Variants in ADD1 observed in about 807,000 individuals in gnomAD.
ADD1 encodes alpha-adducin.
ADD1 carries 24 observed loss-of-function variants against 80.5 expected under a neutral mutation model. The ratio of observed to expected loss-of-function variants is 0.30; its 90% CI spans 0.22 to 0.42. ADD1 has a LOEUF of 0.42. Ranked by LOEUF, ADD1 falls within the 10% of genes least tolerant of loss-of-function variation. The probability of loss-of-function intolerance (pLI) is 1.00; values close to 1 mark genes in which losing one functional copy is unlikely to be tolerated. For missense variants in ADD1, 948 were observed against 1,019.0 expected (o/e 0.93, Z 0.95); for synonymous variants, 373 against 393.8 (o/e 0.95, Z 0.63).
chr4:2,909,968 CAAAAA>C lies in ADD1; in HGVS notation c.1791+550_1791+554del, dbSNP rs35681850. Among the ~76,000 whole-genome samples, 162 of 119,792 alleles carry C rather than the reference CAAAAA, an allele frequency of 1.4e-3. 1 individual carries two copies. The highest frequency in any genetic ancestry group is 4.7e-3 in the Admixed American group (52 of 11,132). The allele number at this position is 119,792 out of a possible 152,430, so 78.6% of individuals were successfully genotyped here. A position where few individuals can be genotyped will look rare whatever the true frequency, so the allele number is the denominator to read the frequency against. Reference sequence around the variant, plus strand: ...TGATAAAATGTATTTATTTGTACCTCAAAAAAAAAAAAAAAAACCCTAAATAACAT... The same window carrying C: ...TGATAAAATGTATTTATTTGTACCTCAAAAAAAAAAAACCCTAAATAACAT... On this transcript the variant is annotated intron_variant, in intron 13 of 15. Transcript: ENST00000683351.
intron 8 of ADD1, chr4:2,898,917 G>A: frequency 2.6e-6 from 1 of 382,012 alleles, no homozygotes; most frequent in South Asian, 2.8e-5. Flanking sequence ...GCAGCTTACA[G>A]CTGTGAGTTC....
intron 14 of ADD1, among the ~76,000 whole-genome samples, chr4:2,923,208 C>A (rs1740365648): frequency 6.6e-6 from 1 of 152,208 alleles, no homozygotes; most frequent in Admixed American, 6.5e-5. Context: ...CTGCAGCTAG[C>A]TCAGTGTCTG....
chr4:2,850,884 C>A (rs969909276), intron 1 of ADD1, among the ~76,000 whole-genome samples: 12 of 152,164 alleles, frequency 7.9e-5, no homozygotes, highest in African/African-American at 2.4e-4. Context: ...GTAGGCAAAT[C>A]TATACAGGCA....
chr4:2,878,934 C>G (rs1032446177), intron 2 of ADD1, among the ~76,000 whole-genome samples: 5 of 152,016 alleles, frequency 3.3e-5, no homozygotes, highest in African/African-American at 4.8e-5. Context: ...AAAGTGTGAG[C>G]TGGATGCTAG....
At chr4:2,864,270 G>A (rs761299064) in intron 1 of ADD1, among the ~76,000 whole-genome samples, 10 of 152,164 alleles carry the variant, frequency 6.6e-5, no homozygotes, top group Non-Finnish European at 1.5e-4. Context: ...AAAATTAGCT[G>A]GGCGTGGTGG....
chr4:2,869,276 C>T (rs866258528), intron 1 of ADD1, among the ~76,000 whole-genome samples: 56 of 152,124 alleles, frequency 3.7e-4, no homozygotes, highest in Admixed American at 1.7e-3. Flanking sequence ...TGGTTCCTCC[C>T]GAGGCTGTGA....
At chr4:2,888,420 T>TTAC (rs1260141208) in intron 4 of ADD1, among the ~76,000 whole-genome samples, 2 of 146,462 alleles carry the variant, frequency 1.4e-5, no homozygotes, top group South Asian at 2.1e-4. Flanking sequence ...ATTATTATTA[T>TTAC]TATTATTATT....
chr4:2,882,950 C>CT (rs1436110245), intron 3 of ADD1, among the ~76,000 whole-genome samples: 1 of 152,114 alleles, frequency 6.6e-6, no homozygotes, highest in East Asian at 1.9e-4. Context: ...AAACTACCAC[C>CT]TCCCAGGTTC....
intron 14 of ADD1, among the ~76,000 whole-genome samples, chr4:2,920,890 G>A (rs1739908992): frequency 6.6e-6 from 1 of 152,068 alleles, no homozygotes; most frequent in Non-Finnish European, 1.5e-5. Flanking sequence ...GATGCTGGCT[G>A]GTTATTTTGC....
rs181876337 is a variant in ADD1, at chr4:2,926,249, C to T, written c.2047+137C>T. On this transcript the variant is annotated intron_variant, in intron 15 of 15. Transcript: ENST00000683351. The surrounding 1 kb of genome is among the most constrained non-coding windows in gnomAD (Gnocchi z 5.0). ...ATCAGCGCCAGGACGTGACACCTTT[C>T]TCCTCCTATATTGCTTCTGTCCTGG... The T allele has an allele frequency of 1.3e-6, 1 of 794,460 alleles. No homozygotes were observed. The highest frequency in any genetic ancestry group is 2.2e-6 in the Non-Finnish European group (1 of 456,954). 49.2% of individuals were successfully genotyped at this position (794,460 alleles called of 1,614,324 possible). A position where few individuals can be genotyped will look rare whatever the true frequency, so the allele number is the denominator to read the frequency against.
At chr4:2,853,890 G>T (rs1281969840) in intron 1 of ADD1, among the ~76,000 whole-genome samples, 5 of 152,132 alleles carry the variant, frequency 3.3e-5, no homozygotes, top group African/African-American at 1.2e-4. Flanking sequence ...AGGCGTGAGC[G>T]ACCGCGTCTG....
intron 11 of ADD1, among the ~76,000 whole-genome samples, 182 bp from the exon 12 acceptor site, chr4:2,908,333 C>T (rs957792142): frequency 3.9e-5 from 6 of 152,348 alleles, no homozygotes; most frequent in Admixed American, 1.3e-4. Flanking sequence ...TGCAGACCCA[C>T]GCCCCACTAA....
intron 1 of ADD1, among the ~76,000 whole-genome samples, chr4:2,864,385 A>G (rs1006133625): frequency 6.6e-6 from 1 of 152,142 alleles, no homozygotes; most frequent in Admixed American, 6.5e-5. Context: ...CCATTGCTCC[A>G]CCCTGGGTGA....
intron 1 of ADD1, among the ~76,000 whole-genome samples, chr4:2,868,504 A>G (rs971287342): frequency 6.6e-6 from 1 of 152,058 alleles, no homozygotes; most frequent in Non-Finnish European, 1.5e-5. Context: ...TTCACTGCGT[A>G]TTTCCTGACG....
At chr4:2,872,028 A>T (rs1577495892) in intron 1 of ADD1, among the ~76,000 whole-genome samples, 1 of 152,238 alleles carries the variant, frequency 6.6e-6, no homozygotes, top group East Asian at 1.9e-4. Context: ...TAGAGAATGG[A>T]TTGTTGTGGG....
chr4:2,894,455 A>T, intron 5 of ADD1, 127 bp from the exon 6 acceptor site: 1 of 795,276 alleles, frequency 1.3e-6, no homozygotes, highest in Non-Finnish European at 1.9e-6. Context: ...TGGGAGGTGG[A>T]GGCCGAGGTC....
chr4:2,897,541 CT>C (rs34592055), intron 6 of ADD1, among the ~76,000 whole-genome samples: 42,729 of 98,358 alleles, frequency 0.43, 8,977 homozygotes, highest in Non-Finnish European at 0.45. Flanking sequence ...AAACCTCCTC[CT>C]TTTTTTTTTT....
Position 2,881,967 on chromosome 4 carries a change from T to C in ADD1, c.265T>C (p.Leu89=), listed in dbSNP as rs1445630111. ...GAAGGGGAAGAACCCCACAGGCCTA[T>C]TGGCATTACAGCAGATTGCAGATTT... ...FKKGKNPTGL[L]ALQQIADFMT... The change falls in exon 3 of 16, where the codon TTG becomes CTG. Residue 89 remains leucine, a synonymous_variant. Transcript: ENST00000683351. 2.5e-6 allele frequency: 4 copies of C among 1,613,444 alleles called. No individual in the cohort carries two copies. Among genetic ancestry groups the C allele is most frequent in the Admixed American group, 3.3e-5 (2 of 59,840 alleles).
chr4:2,914,392 T>C (rs914359658), intron 13 of ADD1, among the ~76,000 whole-genome samples: 3 of 152,366 alleles, frequency 2.0e-5, no homozygotes, highest in African/African-American at 7.2e-5. Flanking sequence ...CAGGAACTAG[T>C]TACAAACTAA....
Sources: gnomAD v4.1 joint callset for allele counts (sites outside exome capture counted in the v4.1 genomes callset) on GRCh38, gnomAD v4.1.1 for gene constraint, Gnocchi (gnomAD v3.1) non-coding constraint, MANE v1.5 for transcripts, NCBI Gene and HGNC (gene_info 2026-07-23, HGNC 2026-07-21) for gene names.